The following SEPTIN2 variants were observed in gnomAD, a reference collection of about 807,000 sequenced individuals.
SEPTIN2 encodes septin 2.
Under a neutral mutation model 46.5 loss-of-function variants are expected in SEPTIN2, and 34 were observed. The ratio of observed to expected loss-of-function variants is 0.73; its 90% CI spans 0.56 to 0.97. The LOEUF (loss-of-function observed/expected upper bound fraction) is 0.97. Among genes scored for constraint, SEPTIN2 ranks in the 50% least tolerant of loss-of-function variants. The pLI is 0.00. For missense variants in SEPTIN2, 347 were observed against 448.4 expected (o/e 0.77, Z 2.04); for synonymous variants, 175 against 153.4 (o/e 1.14, Z -1.04).
intron 5 of SEPTIN2, 73 bp from the exon 6 acceptor site, chr2:241,337,309 T>C: frequency 7.5e-7 from 1 of 1,332,212 alleles, no homozygotes; most frequent in Non-Finnish European, 1.0e-6. Flanking sequence ...CGGAGGCACT[T>C]GTTTTCCCTT....
chr2:241,337,105 G>A (rs920747400), intron 5 of SEPTIN2: 8 of 280,778 alleles, frequency 2.8e-5, no homozygotes, highest in African/African-American at 1.1e-4. Flanking sequence ...AAAAAAAAAA[G>A]AACGAATTGG....
chr2:241,335,987 G>T lies in SEPTIN2; in HGVS notation c.230G>T (p.Arg77Ile). 2 of 1,614,090 alleles carry T rather than the reference G, an allele frequency of 1.2e-6. No individual in the cohort carries two copies. Among genetic ancestry groups the T allele is most frequent in the Non-Finnish European group, 1.7e-6 (2 of 1,180,006 alleles). The change falls in exon 5 of 13, where the codon AGA becomes ATA. Residue 77 changes from arginine to isoleucine, a missense_variant. Physicochemically the swap from Arg to Ile is moderately conservative, Grantham distance 97 (BLOSUM62 -3). Transcript: ENST00000391971. ...GTTTCTTTTCTAGAAAAAATTGAAA[G>T]AACTGTCCAGATTGAGGCTTCAACT... ...VIPGAAEKIE[R>I]TVQIEASTVE...
intron 1 of SEPTIN2, chr2:241,320,279 T>C: frequency 2.1e-6 from 1 of 471,220 alleles, no homozygotes; most frequent in South Asian, 1.5e-5. Context: ...GTCTTGGTCC[T>C]TTTCATTGGT....
At chr2:241,336,153 AT>A in intron 5 of SEPTIN2, 55 bp downstream of exon 5, 1 of 1,547,740 alleles carries the variant, frequency 6.5e-7, no homozygotes, top group Non-Finnish European at 8.8e-7. Flanking sequence ...TACTTCATAA[AT>A]TTATAGATAG....
chr2:241,337,388 G>C lies in SEPTIN2; in HGVS notation c.348G>C (p.Lys116Asn). Residue 116 changes from lysine (K) to asparagine (N), a missense_variant, in exon 6 of 13, where the codon AAG (lysine) becomes AAC (asparagine). Physicochemically the swap from Lys to Asn is moderately conservative, Grantham distance 94. Transcript: ENST00000391971. ...GDAINCRDCF[K>N]TIISYIDEQF... ...ATGTTTCTGTTTCTCTCAGTTTTAAGACAATTATCTCCTATATTGATGAGC... is the reference window on the plus strand; with the variant it reads ...ATGTTTCTGTTTCTCTCAGTTTTAACACAATTATCTCCTATATTGATGAGC... 1.2e-6 allele frequency: 2 copies of C among 1,612,634 alleles called. No homozygotes were observed. Among genetic ancestry groups the C allele is most frequent in the Non-Finnish European group, 1.7e-6 (2 of 1,179,426 alleles).
chr2:241,339,842 A>C (rs1246437381), intron 7 of SEPTIN2, among the ~76,000 whole-genome samples: 1 of 152,142 alleles, frequency 6.6e-6, no homozygotes, highest in African/African-American at 2.4e-5. Context: ...CTCCCCCCAC[A>C]CTGCATAAAG....
chr2:241,321,116 A>G (rs537873553), intron 1 of SEPTIN2, among the ~76,000 whole-genome samples: 23 of 152,290 alleles, frequency 1.5e-4, no homozygotes, highest in South Asian at 1.0e-3. Flanking sequence ...CATGACTTCA[A>G]ACATTTTTTA....
chr2:241,330,517 A>G (rs1227920322), intron 3 of SEPTIN2, among the ~76,000 whole-genome samples: 2 of 152,218 alleles, frequency 1.3e-5, no homozygotes, highest in Non-Finnish European at 2.9e-5. Context: ...GGCTCATAAC[A>G]GGCAGTGAAG....
chr2:241,346,247 C>G lies in SEPTIN2; in HGVS notation c.924C>G (p.Gly308=). The G allele has an allele frequency of 6.2e-7, 1 of 1,613,012 alleles. No homozygotes were observed. The highest frequency in any genetic ancestry group is 1.1e-5 in the South Asian group (1 of 91,016). ...NFRSERLKRG[G]RKVENEDMNK... is the part of the protein sequence containing the mutation. Reference sequence around the variant, plus strand: ...GTTCTGAGAGACTCAAGAGAGGCGGCAGGTCATCACACTGTGCCCCTTTCT... The same window carrying G: ...GTTCTGAGAGACTCAAGAGAGGCGGGAGGTCATCACACTGTGCCCCTTTCT... The change falls in exon 10 of 13, where the codon GGC becomes GGG. Residue 308 remains glycine, a splice_region_variant and synonymous_variant. Coordinates refer to ENST00000391971, the MANE Select transcript of SEPTIN2 (RefSeq NM_004404.5).
At chr2:241,332,304 A>G (rs571744422) in intron 3 of SEPTIN2, among the ~76,000 whole-genome samples, 1 of 152,390 alleles carries the variant, frequency 6.6e-6, no homozygotes, top group African/African-American at 2.4e-5. Flanking sequence ...TCCAGAATAT[A>G]TAAAAATATT....
intron 7 of SEPTIN2, among the ~76,000 whole-genome samples, chr2:241,340,063 A>G (rs2081049237): frequency 6.6e-6 from 1 of 152,222 alleles, no homozygotes; most frequent in African/African-American, 2.4e-5. Flanking sequence ...ATAAGTATAC[A>G]TTTAAATTTT....
intron 1 of SEPTIN2, among the ~76,000 whole-genome samples, chr2:241,318,524 G>C (rs996652628): frequency 1.3e-5 from 2 of 152,086 alleles, no homozygotes; most frequent in African/African-American, 2.4e-5. Context: ...TGTAGGACCT[G>C]TTTTCTAGTT....
At position 241,337,324 on chromosome 2, in the gene SEPTIN2, G is replaced by A. The variant is rs754856857; in HGVS notation, c.342-58G>A. 7.7e-5 allele frequency: 115 copies of A among 1,486,168 alleles called. 1 individual carries two copies. The highest frequency in any genetic ancestry group is 1.0e-4 in the Non-Finnish European group (111 of 1,100,030). The allele number at this position is 1,486,168 out of a possible 1,614,324, so 92.1% of individuals were successfully genotyped here. A position where few individuals can be genotyped will look rare whatever the true frequency, so the allele number is the denominator to read the frequency against. ...CGGAGGCACTTGTTTTCCCTTTGAA[G>A]TCAGGGACCCCCTGTTTTATACCCT... is the stretch of plus-strand genomic sequence containing the variant. On this transcript the variant is annotated intron_variant, in intron 5 of 12. Coordinates refer to ENST00000391971, the MANE Select transcript of SEPTIN2 (RefSeq NM_004404.5).
chr2:241,346,407 A>T, intron 10 of SEPTIN2, 158 bp downstream of exon 10: 1 of 521,110 alleles, frequency 1.9e-6, no homozygotes, highest in Non-Finnish European at 3.4e-6. Context: ...TAATCAAATT[A>T]TGCTCTTTTA....
intron 3 of SEPTIN2, among the ~76,000 whole-genome samples, chr2:241,329,246 C>T (rs1359617557): frequency 1.3e-5 from 2 of 151,854 alleles, no homozygotes; most frequent in Admixed American, 1.3e-4. Flanking sequence ...CCACCTCAGC[C>T]TCCAAGTAGC....
chr2:241,316,436 C>T (rs1235460965), intron 1 of SEPTIN2: 2 of 1,361,270 alleles, frequency 1.5e-6, no homozygotes, highest in Admixed American at 2.7e-5. Flanking sequence ...GGAGGACTGG[C>T]CAGCCCCCAA....
intron 1 of SEPTIN2, among the ~76,000 whole-genome samples, chr2:241,322,600 C>A (rs1021015802): frequency 6.7e-6 from 1 of 148,712 alleles, no homozygotes; most frequent in Non-Finnish European, 1.5e-5. Context: ...TGCGAGACTC[C>A]GTCTCAAAAA....
At chr2:241,315,457 C>G (rs963409491), upstream of SEPTIN2, 3 of 152,464 alleles carry the variant, frequency 2.0e-5, no homozygotes, top group African/African-American at 7.2e-5. Context: ...ACTCCCGCCA[C>G]CACCTGCCCT....
chr2:241,320,730 A>C (rs1242558920), intron 1 of SEPTIN2, among the ~76,000 whole-genome samples: 1 of 152,204 alleles, frequency 6.6e-6, no homozygotes, highest in Non-Finnish European at 1.5e-5. Flanking sequence ...CAGAGGTTGT[A>C]GTGAGCTGAG....
Sources: gnomAD v4.1 joint callset for allele counts (sites outside exome capture counted in the v4.1 genomes callset) on GRCh38, gnomAD v4.1.1 for gene constraint, MANE v1.5 for transcripts, NCBI Gene and HGNC (gene_info 2026-07-23, HGNC 2026-07-21) for gene names.